Variants in EGFR observed in about 807,000 individuals in gnomAD.
EGFR encodes the protein epidermal growth factor receptor, also known as avian erythroblastic leukemia viral (v-erb-b) oncogene homolog.
In EGFR, 58 loss-of-function variants were observed where a neutral mutation model predicts 143.0. The observed-to-expected ratio is 0.41, with a 90% CI of 0.33 to 0.50. The LOEUF (loss-of-function observed/expected upper bound fraction) is 0.50, where lower values mean the gene tolerates loss of function less well. Ranked by LOEUF, EGFR falls within the 20% of genes least tolerant of loss-of-function variation. The pLI is 0.39. For synonymous variants in EGFR, 613 were observed against 594.4 expected, an observed-to-expected ratio of 1.03 and a Z score of -0.45; for missense variants, 1,307 against 1,579.0, an observed-to-expected ratio of 0.83 and a Z score of 2.92.
intron 15 of EGFR, 91 bp from the exon 16 acceptor site, chr7:55,171,084 A>G (rs1486310216): frequency 5.1e-6 from 8 of 1,580,822 alleles, no homozygotes; most frequent in Non-Finnish European, 6.9e-6. Flanking sequence ...AGTTTAGCAT[A>G]TATTGCTTTA....
chr7:55,171,292 T>C, intron 16 of EGFR, 79 bp downstream of exon 16: 2 of 1,575,958 alleles, frequency 1.3e-6, no homozygotes, highest in South Asian at 1.1e-5. Flanking sequence ...CTTTCCTGCA[T>C]TTCTGACTGT....
intron 1 of EGFR, among the ~76,000 whole-genome samples, chr7:55,036,454 A>T (rs1177861026): frequency 2.6e-5 from 4 of 152,158 alleles, no homozygotes; most frequent in Non-Finnish European, 5.9e-5. Flanking sequence ...TCATTTCTTG[A>T]AAAATTCAGG....
intron 22 of EGFR, among the ~76,000 whole-genome samples, chr7:55,193,728 C>T (rs925552616): frequency 6.6e-6 from 1 of 152,214 alleles, no homozygotes; most frequent in Non-Finnish European, 1.5e-5. Context: ...TTGAGGAGAA[C>T]ACTATTGAAA....
At chr7:55,141,732 C>T (rs1391196690) in intron 1 of EGFR, among the ~76,000 whole-genome samples, 1 of 152,144 alleles carries the variant, frequency 6.6e-6, no homozygotes, top group Non-Finnish European at 1.5e-5. Flanking sequence ...CACTACTGCC[C>T]AGTGTATGTT....
At chr7:55,194,477 C>G (rs1031416200) in intron 22 of EGFR, among the ~76,000 whole-genome samples, 2 of 152,128 alleles carry the variant, frequency 1.3e-5, no homozygotes, top group Non-Finnish European at 2.9e-5. Context: ...CTGCCCGCCT[C>G]GGCCTCCCAA....
chr7:55,126,303 G>A (rs528941227), intron 1 of EGFR, among the ~76,000 whole-genome samples: 10 of 152,320 alleles, frequency 6.6e-5, no homozygotes, highest in South Asian at 2.1e-4. Flanking sequence ...AGGACTGTTC[G>A]TTTTTGCACA....
At chr7:55,127,551 A>G (rs1409220412) in intron 1 of EGFR, among the ~76,000 whole-genome samples, 1 of 151,472 alleles carries the variant, frequency 6.6e-6, no homozygotes, top group Non-Finnish European at 1.5e-5. Context: ...GAATGCTTGT[A>G]TAGAAACTTT....
At chr7:55,116,328 G>A (rs1792841859) in intron 1 of EGFR, among the ~76,000 whole-genome samples, 1 of 152,142 alleles carries the variant, frequency 6.6e-6, no homozygotes, top group Non-Finnish European at 1.5e-5. Flanking sequence ...CCTGGCCGCT[G>A]TCCACAAGAA....
intron 1 of EGFR, among the ~76,000 whole-genome samples, chr7:55,083,493 A>G (rs1790585150): frequency 4.6e-5 from 7 of 152,202 alleles, no homozygotes. Flanking sequence ...ATCTTTGGTG[A>G]ATGTCTTATG....
chr7:55,019,931 C>A (rs1293922614), intron 1 of EGFR, among the ~76,000 whole-genome samples: 5 of 152,186 alleles, frequency 3.3e-5, no homozygotes, highest in African/African-American at 1.2e-4. Flanking sequence ...CCGCCTCCGC[C>A]CTCCGCGCAG....
intron 14 of EGFR, 92 bp from the exon 15 acceptor site, chr7:55,165,188 C>T: frequency 1.9e-6 from 3 of 1,586,072 alleles, no homozygotes; most frequent in Non-Finnish European, 2.6e-6. Flanking sequence ...TCCCCACTCA[C>T]ACACACTAAA....
chr7:55,136,625 T>G (rs1291206871), intron 1 of EGFR, among the ~76,000 whole-genome samples: 1 of 152,252 alleles, frequency 6.6e-6, no homozygotes, highest in Non-Finnish European at 1.5e-5. Flanking sequence ...CAGTTTGACT[T>G]AAGATTTTTT....
Position 55,087,146 on chromosome 7 carries a change from G to T in EGFR, c.89-55140G>T, listed in dbSNP as rs545277404. Among the ~76,000 whole-genome samples, 80 of 152,078 alleles carry T rather than the reference G, an allele frequency of 5.3e-4. 1 individual carries two copies. Among genetic ancestry groups the T allele is most frequent in the African/African-American group, 1.8e-3 (76 of 41,488 alleles). On this transcript the variant is annotated intron_variant, in intron 1 of 27. Transcript: ENST00000275493. The stretch of plus-strand genomic sequence containing the variant: ...TATTTAGAGCTGACCACAAGCGGGG[G>T]GAAGAGAGGATGGCTCGGATGCTGC...
intron 15 of EGFR, chr7:55,170,779 G>A: frequency 7.0e-7 from 1 of 1,437,240 alleles, no homozygotes. Flanking sequence ...ACTCCATGCT[G>A]CCAGCCTTCT....
chr7:55,164,363 T>A (rs1348850036), intron 14 of EGFR, among the ~76,000 whole-genome samples: 2 of 152,162 alleles, frequency 1.3e-5, no homozygotes, highest in Non-Finnish European at 2.9e-5. Flanking sequence ...AATGTTATTA[T>A]ATAGGGAGCT....
chr7:55,153,153 T>C (rs1192280137), intron 6 of EGFR, among the ~76,000 whole-genome samples: 1 of 152,250 alleles, frequency 6.6e-6, no homozygotes, highest in Non-Finnish European at 1.5e-5. Flanking sequence ...TAGGGCCTCC[T>C]GACACGGATC....
At chr7:55,040,216 G>A (rs982336255) in intron 1 of EGFR, among the ~76,000 whole-genome samples, 3 of 152,098 alleles carry the variant, frequency 2.0e-5, no homozygotes, top group Admixed American at 6.6e-5. Flanking sequence ...TCCCCCACCC[G>A]CAGCCTCAAG....
intron 1 of EGFR, among the ~76,000 whole-genome samples, chr7:55,093,626 C>A (rs1791267239): frequency 6.6e-6 from 1 of 152,182 alleles, no homozygotes. Context: ...CATTTCTGTT[C>A]ATATCTGTGG....
chr7:55,141,002 C>A (rs1236033720), intron 1 of EGFR, among the ~76,000 whole-genome samples: 3 of 152,154 alleles, frequency 2.0e-5, no homozygotes, highest in Non-Finnish European at 4.4e-5. Context: ...GGGGAAGGAA[C>A]AAAGAAGCCT....
Sources: gnomAD v4.1 joint callset for allele counts (sites outside exome capture counted in the v4.1 genomes callset) on GRCh38, gnomAD v4.1.1 for gene constraint, MANE v1.5 for transcripts, NCBI Gene and HGNC (gene_info 2026-07-23, HGNC 2026-07-21) for gene names.